MYO9A: variants seen among roughly 807,000 people sequenced by gnomAD.
MYO9A encodes myosin IXA.
A neutral mutation model predicts 293.3 loss-of-function variants in MYO9A; 103 were observed. That is an observed-to-expected ratio of 0.35 (90% confidence interval 0.30 to 0.41). The LOEUF is 0.41. Ranked by LOEUF, MYO9A falls within the 10% of genes least tolerant of loss-of-function variation. The pLI is 1.00. For synonymous variants in MYO9A, 1,001 were observed against 1,035.7 expected (o/e 0.97, Z 0.64); for missense variants, 2,685 against 3,033.0 (o/e 0.89, Z 2.69).
intron 4 of MYO9A, among the ~76,000 whole-genome samples, chr15:72,024,874 AT>A (rs2077614610): frequency 6.6e-6 from 1 of 152,210 alleles, no homozygotes; most frequent in Admixed American, 6.5e-5. Context: ...ACTAGAAAAC[AT>A]TTATTTAATG....
At chr15:71,830,020 A>G (rs887676253) in intron 40 of MYO9A, 89 bp downstream of exon 40, 23 of 1,301,250 alleles carry the variant, frequency 1.8e-5, no homozygotes, top group Middle Eastern at 1.9e-4. Context: ...CACACAGGAG[A>G]TAATAAATAA....
chr15:71,942,871 A>G (rs998163382), intron 15 of MYO9A, among the ~76,000 whole-genome samples: 4 of 152,054 alleles, frequency 2.6e-5, no homozygotes, highest in African/African-American at 7.2e-5. Context: ...TCTTTATTAA[A>G]TATCAAAACT....
intron 1 of MYO9A, among the ~76,000 whole-genome samples, chr15:72,102,189 C>CA (rs1445443331): frequency 6.6e-6 from 1 of 150,780 alleles, no homozygotes; most frequent in Non-Finnish European, 1.5e-5. Flanking sequence ...ACCTTACCCC[C>CA]AACCCTGTGC....
intron 26 of MYO9A, 68 bp downstream of exon 26, chr15:71,893,608 GAAT>G: frequency 7.9e-7 from 1 of 1,268,880 alleles, no homozygotes; most frequent in Non-Finnish European, 1.1e-6. Context: ...CTACCTACAA[GAAT>G]AATAATTTCC....
chr15:71,840,574 C>G (rs2055115129), intron 39 of MYO9A, among the ~76,000 whole-genome samples: 1 of 152,268 alleles, frequency 6.6e-6, no homozygotes, highest in South Asian at 2.1e-4. Context: ...AAAATTTAGC[C>G]TTTCTTTCCA....
chr15:71,852,298 CA>C, intron 35 of MYO9A, 38 bp from the exon 36 acceptor site: 1 of 1,548,306 alleles, frequency 6.5e-7, no homozygotes, highest in Non-Finnish European at 8.8e-7. Flanking sequence ...AGAGCCAAAA[CA>C]TGCAAAGAGA....
chr15:72,107,794 G>A (rs1243879047), intron 1 of MYO9A, among the ~76,000 whole-genome samples: 93 of 11,426 alleles, frequency 8.1e-3, no homozygotes, highest in Non-Finnish European at 0.011. Flanking sequence ...GACAATTTGA[G>A]CATCAAAAAA....
At chr15:72,078,593 T>C (rs1483985157) in intron 1 of MYO9A, among the ~76,000 whole-genome samples, 1 of 150,396 alleles carries the variant, frequency 6.6e-6, no homozygotes, top group Admixed American at 6.6e-5. Context: ...GTGGGAGAAT[T>C]GCTTGAGCCC....
intron 13 of MYO9A, among the ~76,000 whole-genome samples, chr15:71,965,021 G>C (rs2147165628): frequency 6.6e-6 from 1 of 151,630 alleles, no homozygotes; most frequent in East Asian, 1.9e-4. Flanking sequence ...TGTATTTAAA[G>C]TTATAAACTT....
chr15:71,999,968 T>C, intron 8 of MYO9A, 28 bp from the exon 9 acceptor site: 1 of 1,558,702 alleles, frequency 6.4e-7, no homozygotes, highest in Non-Finnish European at 8.8e-7. Context: ...AAACTCAATA[T>C]GTAAGATTTA....
chr15:71,925,663 T>A (rs115926815), intron 18 of MYO9A, among the ~76,000 whole-genome samples: 118 of 152,150 alleles, frequency 7.8e-4, no homozygotes, highest in African/African-American at 2.6e-3. Context: ...TACGCTAGAC[T>A]TTTATCCCCA....
chr15:72,030,191 C>T (rs2077817815), intron 3 of MYO9A, among the ~76,000 whole-genome samples: 1 of 152,166 alleles, frequency 6.6e-6, no homozygotes, highest in Non-Finnish European at 1.5e-5. Context: ...CCAAAACAGG[C>T]TCTTACCTGT....
chr15:72,030,330 A>T (rs1328403015), intron 3 of MYO9A, among the ~76,000 whole-genome samples: 1 of 152,296 alleles, frequency 6.6e-6, no homozygotes, highest in Non-Finnish European at 1.5e-5. Context: ...TCACACAGCT[A>T]GTAAAAAGCA....
intron 6 of MYO9A, among the ~76,000 whole-genome samples, chr15:72,016,940 TA>T (rs1170974640): frequency 6.9e-6 from 1 of 145,482 alleles, no homozygotes; most frequent in East Asian, 2.1e-4. Flanking sequence ...TATTAACCCC[TA>T]AAATAAATGA....
intron 31 of MYO9A, among the ~76,000 whole-genome samples, chr15:71,876,169 G>A (rs1389272330): frequency 4.8e-5 from 7 of 146,356 alleles, no homozygotes; most frequent in African/African-American, 7.6e-5. Context: ...TTTTTGAGAC[G>A]GAGTCTTGCT....
chr15:72,005,897 C>G (rs2077002001), intron 8 of MYO9A, among the ~76,000 whole-genome samples: 1 of 152,068 alleles, frequency 6.6e-6, no homozygotes, highest in South Asian at 2.1e-4. Flanking sequence ...GCCTATGAAC[C>G]AAGATTTGGA....
At chr15:71,978,602 G>C (rs1193098975) in intron 11 of MYO9A, among the ~76,000 whole-genome samples, 1 of 151,826 alleles carries the variant, frequency 6.6e-6, no homozygotes, top group African/African-American at 2.4e-5. Flanking sequence ...GTACAATGAA[G>C]AAAAAAGGCT....
intron 1 of MYO9A, among the ~76,000 whole-genome samples, chr15:72,078,364 T>C (rs1223396238): frequency 2.6e-5 from 4 of 151,200 alleles, no homozygotes; most frequent in African/African-American, 4.9e-5. Context: ...TGGTGGTACA[T>C]GCCTGTGGTC....
intron 2 of MYO9A, among the ~76,000 whole-genome samples, chr15:72,037,256 T>C (rs1164479236): frequency 7.1e-5 from 2 of 28,036 alleles, no homozygotes; most frequent in Non-Finnish European, 1.3e-4. Flanking sequence ...AATAACAGAA[T>C]GGGGCAAAAA....
Sources: allele counts gnomAD v4.1 joint callset (sites outside exome capture counted in the v4.1 genomes callset), GRCh38; gene constraint gnomAD v4.1.1; transcripts MANE v1.5; gene names NCBI Gene and HGNC (gene_info 2026-07-23, HGNC 2026-07-21).